LRRC4C: variants seen among roughly 807,000 people sequenced by gnomAD.
LRRC4C encodes leucine-rich repeat-containing protein 4C.
A neutral mutation model predicts 33.6 loss-of-function variants in LRRC4C; 5 were observed. The ratio of observed to expected loss-of-function variants is 0.15; its 90% CI spans 0.08 to 0.31. The LOEUF is 0.31. LRRC4C is among the 10% of genes least tolerant of loss of function. The pLI, the probability that LRRC4C is intolerant of heterozygous loss-of-function variation, is 1.00. For synonymous variants in LRRC4C, 329 were observed against 302.0 expected, an observed-to-expected ratio of 1.09 and a Z score of -0.93; for missense variants, 560 against 796.7, an observed-to-expected ratio of 0.70 and a Z score of 3.58.
At chr11:40,395,705 G>A (rs1413426003) in intron 3 of LRRC4C, among the ~76,000 whole-genome samples, 4 of 152,106 alleles carry the variant, frequency 2.6e-5, no homozygotes, top group Admixed American at 6.6e-5. Context: ...ACAGATTTCT[G>A]GACGGGTGCA....
intron 4 of LRRC4C, among the ~76,000 whole-genome samples, chr11:40,289,368 T>C (rs1944045132): frequency 6.6e-6 from 1 of 152,176 alleles, no homozygotes; most frequent in African/African-American, 2.4e-5. Flanking sequence ...TCCCACCTCA[T>C]AGACTAGACA....
intron 1 of LRRC4C, among the ~76,000 whole-genome samples, chr11:40,937,446 G>A (rs1403381553): frequency 6.6e-6 from 1 of 151,930 alleles, no homozygotes; most frequent in Non-Finnish European, 1.5e-5. Context: ...ATCTGCACAT[G>A]CACTTCCATG....
At chr11:41,162,581 A>C (rs561723653) in intron 1 of LRRC4C, among the ~76,000 whole-genome samples, 1 of 152,328 alleles carries the variant, frequency 6.6e-6, no homozygotes, top group South Asian at 2.1e-4. Flanking sequence ...CTTAGGCTAC[A>C]AACCTGTACG....
At chr11:40,125,255 T>C (rs1002094716) in intron 6 of LRRC4C, among the ~76,000 whole-genome samples, 3 of 152,262 alleles carry the variant, frequency 2.0e-5, no homozygotes, top group Middle Eastern at 3.4e-3. Flanking sequence ...GAAGAAATAA[T>C]TCTTTGTTCT....
chr11:40,881,104 A>G (rs1955154287), intron 2 of LRRC4C, among the ~76,000 whole-genome samples: 1 of 152,046 alleles, frequency 6.6e-6, no homozygotes, highest in Non-Finnish European at 1.5e-5. Context: ...CAGTCTTCCT[A>G]TTTGTAAATA....
At chr11:41,051,180 C>T (rs564985169) in intron 1 of LRRC4C, among the ~76,000 whole-genome samples, 1 of 152,288 alleles carries the variant, frequency 6.6e-6, no homozygotes, top group East Asian at 1.9e-4. Flanking sequence ...CAAAAGCTCT[C>T]TGCTGTTCTG....
chr11:41,313,014 C>T (rs540700730), intron 1 of LRRC4C, among the ~76,000 whole-genome samples: 1 of 152,192 alleles, frequency 6.6e-6, no homozygotes, highest in Non-Finnish European at 1.5e-5. Context: ...CAGTAATTAA[C>T]TTTACCTCTC....
At chr11:40,651,355 G>A (rs925550798) in intron 2 of LRRC4C, among the ~76,000 whole-genome samples, 2 of 151,964 alleles carry the variant, frequency 1.3e-5, no homozygotes, top group Non-Finnish European at 2.9e-5. Flanking sequence ...AGATGGGGGT[G>A]GGGGAGAGGA....
chr11:41,311,391 A>T (rs1409999056), intron 1 of LRRC4C, among the ~76,000 whole-genome samples: 1 of 152,216 alleles, frequency 6.6e-6, no homozygotes, highest in Non-Finnish European at 1.5e-5. Flanking sequence ...TATTGAAAAA[A>T]ATAAGAGCAG....
At chr11:40,322,154 G>A (rs1222084311) in intron 3 of LRRC4C, among the ~76,000 whole-genome samples, 4 of 152,116 alleles carry the variant, frequency 2.6e-5, no homozygotes, top group African/African-American at 9.7e-5. Context: ...GAACCAGAAA[G>A]CAGGTTTTAG....
intron 2 of LRRC4C, among the ~76,000 whole-genome samples, chr11:40,655,499 C>A (rs1943055676): frequency 6.6e-6 from 1 of 152,064 alleles, no homozygotes; most frequent in Non-Finnish European, 1.5e-5. Flanking sequence ...ATTGGGTTCA[C>A]ATAACAGAAG....
intron 2 of LRRC4C, among the ~76,000 whole-genome samples, chr11:40,812,070 A>G (rs1951515738): frequency 6.6e-6 from 1 of 152,172 alleles, no homozygotes; most frequent in Admixed American, 6.6e-5. Context: ...TTGCATTGTA[A>G]GTACTGCCCA....
chr11:40,353,412 G>A (rs946630046), intron 3 of LRRC4C, among the ~76,000 whole-genome samples: 8 of 152,094 alleles, frequency 5.3e-5, no homozygotes, highest in East Asian at 3.9e-4. Context: ...CAGAATTTCC[G>A]TTTGATTTTT....
At chr11:41,316,235 A>T (rs1950781967) in intron 1 of LRRC4C, among the ~76,000 whole-genome samples, 1 of 146,706 alleles carries the variant, frequency 6.8e-6, no homozygotes, top group Non-Finnish European at 1.5e-5. Flanking sequence ...CAGCCAATAA[A>T]TGAAACCAGT....
rs140447667 is a variant in LRRC4C, at chr11:41,010,181, C to T, written c.-495-76458G>A. Among the ~76,000 whole-genome samples the T allele has an allele frequency of 2.2e-3, 341 of 152,220 alleles. 1 individual carries two copies. The highest frequency in any genetic ancestry group is 7.7e-3 in the African/African-American group (320 of 41,552). ...TAACCTCCAGAAACTTGAAATAACA[C>T]ATTTATGTTATTTTAAGCCACCCAG... On this transcript the variant is annotated intron_variant, in intron 1 of 6. Transcript: ENST00000528697.
chr11:41,255,617 T>C (rs964499964), intron 1 of LRRC4C, among the ~76,000 whole-genome samples: 5 of 151,840 alleles, frequency 3.3e-5, no homozygotes, highest in Non-Finnish European at 7.4e-5. Context: ...AGAGGTGAAA[T>C]TGTAAAAGAG....
At chr11:40,678,811 C>T (rs924908844) in intron 2 of LRRC4C, among the ~76,000 whole-genome samples, 3 of 152,080 alleles carry the variant, frequency 2.0e-5, no homozygotes, top group Admixed American at 6.6e-5. Flanking sequence ...CAGCCACCAG[C>T]ATGTCTTTAT....
At chr11:40,550,496 C>T (rs1159594200) in intron 3 of LRRC4C, among the ~76,000 whole-genome samples, 1 of 152,162 alleles carries the variant, frequency 6.6e-6, no homozygotes, top group African/African-American at 2.4e-5. Context: ...ACAGAGGACT[C>T]TTTAATGGCC....
At chr11:40,677,810 C>A (rs1944478959) in intron 2 of LRRC4C, among the ~76,000 whole-genome samples, 1 of 152,250 alleles carries the variant, frequency 6.6e-6, no homozygotes, top group African/African-American at 2.4e-5. Flanking sequence ...GGGGTGATTA[C>A]AAGGACATCT....
Sources: gnomAD v4.1 joint callset for allele counts (sites outside exome capture counted in the v4.1 genomes callset) on GRCh38, gnomAD v4.1.1 for gene constraint, MANE v1.5 for transcripts, NCBI Gene and HGNC (gene_info 2026-07-23, HGNC 2026-07-21) for gene names.